Variants in CDC5L observed in about 807,000 individuals in gnomAD.
CDC5L encodes the protein cell division cycle 5 like, also known as cell division cycle 5-like protein.
A neutral mutation model predicts 104.1 loss-of-function variants in CDC5L; 18 were observed. That is an observed-to-expected ratio of 0.17 (90% confidence interval 0.12 to 0.26). The LOEUF is 0.26. CDC5L is among the 10% of genes least tolerant of loss of function. The probability of loss-of-function intolerance (pLI) is 1.00; values close to 1 mark genes in which losing one functional copy is unlikely to be tolerated. For missense variants in CDC5L, 673 were observed against 956.9 expected, an observed-to-expected ratio of 0.70 and a Z score of 3.91; for synonymous variants, 331 against 322.7, an observed-to-expected ratio of 1.03 and a Z score of -0.28.
intron 9 of CDC5L, among the ~76,000 whole-genome samples, chr6:44,422,315 T>C (rs1792222065): frequency 6.6e-6 from 1 of 152,220 alleles, no homozygotes; most frequent in South Asian, 2.1e-4. Context: ...TCATTGAGTG[T>C]GGTGGCCCAC....
chr6:44,422,542 T>G, intron 9 of CDC5L, 105 bp from the exon 10 acceptor site: 1 of 794,376 alleles, frequency 1.3e-6, no homozygotes, highest in Admixed American at 2.8e-5. Flanking sequence ...TCTTTATTCT[T>G]TTTTTTTTCT....
intron 14 of CDC5L, among the ~76,000 whole-genome samples, chr6:44,443,176 T>G (rs1047007528): frequency 3.3e-5 from 5 of 151,728 alleles, no homozygotes; most frequent in Non-Finnish European, 5.9e-5. Flanking sequence ...TTTAAATATA[T>G]CATCCCACTC....
At chr6:44,393,120 C>G (rs1790691843) in intron 3 of CDC5L, among the ~76,000 whole-genome samples, 1 of 148,350 alleles carries the variant, frequency 6.7e-6, no homozygotes, top group South Asian at 2.1e-4. Context: ...CATAATCACA[C>G]TGCTAAGAAT....
chr6:44,414,685 C>T (rs1286663962), intron 8 of CDC5L, among the ~76,000 whole-genome samples: 1 of 151,946 alleles, frequency 6.6e-6, no homozygotes, highest in East Asian at 1.9e-4. Flanking sequence ...ATATAAGTTC[C>T]TTATCTGATA....
At chr6:44,423,944 C>A (rs1390662306) in intron 10 of CDC5L, among the ~76,000 whole-genome samples, 1 of 152,068 alleles carries the variant, frequency 6.6e-6, no homozygotes, top group Non-Finnish European at 1.5e-5. Context: ...TGGCCTCAGA[C>A]CTCCTGTTGG....
chr6:44,420,420 G>A (rs557690383), intron 9 of CDC5L, among the ~76,000 whole-genome samples: 1 of 151,160 alleles, frequency 6.6e-6, no homozygotes, highest in Non-Finnish European at 1.5e-5. Flanking sequence ...GTGCAGTGGC[G>A]CGAACTCGGC....
chr6:44,426,707 A>G lies in CDC5L; in HGVS notation c.1876A>G (p.Lys626Glu), dbSNP rs144082693. The G allele has an allele frequency of 2.5e-6, 4 of 1,612,742 alleles. No individual in the cohort carries two copies. The highest frequency in any genetic ancestry group is 3.4e-6 in the Non-Finnish European group (4 of 1,179,364). Residue 626 changes from lysine to glutamate, a missense_variant, in exon 13 of 16, where the codon AAA becomes GAA. Physicochemically the swap from Lys to Glu is moderately conservative, Grantham distance 56. Transcript: ENST00000371477. ...LEHNPYEKFS[K>E]EELKKAQDVL... The stretch of plus-strand genomic sequence containing the variant: ...ACATAATCCTTATGAAAAGTTCTCC[A>G]AAGAAGAGCTGAAAAAGGTATGATT...
intron 1 of CDC5L, 127 bp downstream of exon 1, chr6:44,387,995 G>T: frequency 1.2e-6 from 1 of 801,206 alleles, no homozygotes; most frequent in Non-Finnish European, 2.0e-6. Flanking sequence ...CCCGGGGGCT[G>T]ACCCTTGGGG....
intron 5 of CDC5L, 78 bp downstream of exon 5, chr6:44,396,518 T>A: frequency 1.1e-6 from 1 of 892,262 alleles, no homozygotes. Context: ...TGTGACCAGA[T>A]ATGTGGTTTT....
chr6:44,414,540 G>A (rs2153379552), intron 8 of CDC5L, among the ~76,000 whole-genome samples: 1 of 150,168 alleles, frequency 6.7e-6, no homozygotes, highest in Admixed American at 6.6e-5. Context: ...TCTTGCTGGT[G>A]TTACGTAGGC....
chr6:44,388,504 A>C (rs1356627896), intron 1 of CDC5L, among the ~76,000 whole-genome samples: 1 of 152,184 alleles, frequency 6.6e-6, no homozygotes, highest in Non-Finnish European at 1.5e-5. Flanking sequence ...CTCTGTTTCC[A>C]GAAACGTAGT....
intron 2 of CDC5L, among the ~76,000 whole-genome samples, chr6:44,391,733 C>T (rs952451801): frequency 1.3e-5 from 2 of 150,998 alleles, no homozygotes; most frequent in Non-Finnish European, 2.9e-5. Flanking sequence ...ATTGGCCAGG[C>T]GTGGTGGCTC....
At chr6:44,416,206 C>G (rs989185381) in intron 8 of CDC5L, among the ~76,000 whole-genome samples, 1 of 152,052 alleles carries the variant, frequency 6.6e-6, no homozygotes, top group Non-Finnish European at 1.5e-5. Context: ...GTCCCATATA[C>G]AGTTATGGGA....
At chr6:44,393,164 G>GT (rs773786751) in intron 3 of CDC5L, among the ~76,000 whole-genome samples, 7,251 of 107,102 alleles carry the variant, frequency 0.068, 270 homozygotes, top group Admixed American at 0.14. Context: ...TTTACTAATA[G>GT]TTTTTTTTTT....
rs905880322 is a variant in CDC5L at position 44,448,530 on chromosome 6, T to C, written c.*1819T>C. ...CTAACTAGAGTCCAGGTAATAGTAG[T>C]GGAGATATGTGGAGAGACATGATAG... is the stretch of plus-strand genomic sequence containing the variant. On this transcript the variant is annotated 3_prime_UTR_variant, in exon 16 of 16. Transcript: ENST00000371477. The C allele has an allele frequency of 5.9e-4, 89 of 152,030 alleles. No homozygotes were observed. Among genetic ancestry groups the C allele is most frequent in the African/African-American group, 1.9e-3 (80 of 41,398 alleles). The allele number at this position is 152,030 out of a possible 1,614,324, so 9.4% of individuals were successfully genotyped here. A position where few individuals can be genotyped will look rare whatever the true frequency, so the allele number is the denominator to read the frequency against.
chr6:44,446,788 C>T lies in CDC5L; in HGVS notation c.*77C>T. 2 of 697,984 alleles carry T rather than the reference C, an allele frequency of 2.9e-6. No homozygotes were observed. The highest frequency in any genetic ancestry group is 4.9e-6 in the Non-Finnish European group (2 of 411,618). The allele number at this position is 697,984 out of a possible 1,614,324, so 43.2% of individuals were successfully genotyped here. A position where few individuals can be genotyped will look rare whatever the true frequency, so the allele number is the denominator to read the frequency against. ...CTAGAAGGCTGAAACTGATGTTTAT[C>T]TTCATTGACAAATTTACCCACCATC... is the stretch of plus-strand genomic sequence containing the variant. On this transcript the variant is annotated 3_prime_UTR_variant, in exon 16 of 16. Coordinates refer to ENST00000371477, the MANE Select transcript of CDC5L (RefSeq NM_001253.4).
chr6:44,446,192 A>G (rs112244608), intron 15 of CDC5L, among the ~76,000 whole-genome samples: 10 of 152,350 alleles, frequency 6.6e-5, no homozygotes, highest in African/African-American at 2.4e-4. Context: ...GTGAGGGGAA[A>G]CTAAACCAGT....
chr6:44,430,772 C>T (rs1326362177), intron 14 of CDC5L, among the ~76,000 whole-genome samples: 1 of 152,026 alleles, frequency 6.6e-6, no homozygotes, highest in Non-Finnish European at 1.5e-5. Context: ...AGAGTTTCAC[C>T]ATGTTGGCCA....
At chr6:44,439,155 C>T (rs1581661939) in intron 14 of CDC5L, among the ~76,000 whole-genome samples, 1 of 152,216 alleles carries the variant, frequency 6.6e-6, no homozygotes, top group Non-Finnish European at 1.5e-5. Flanking sequence ...ATAATGTTTT[C>T]AAAGTTCATC....
Sources: gnomAD v4.1 joint callset for allele counts (sites outside exome capture counted in the v4.1 genomes callset) on GRCh38, gnomAD v4.1.1 for gene constraint, MANE v1.5 for transcripts, NCBI Gene and HGNC (gene_info 2026-07-23, HGNC 2026-07-21) for gene names.